The following C9orf43 variants were observed in gnomAD, a reference collection of about 807,000 sequenced individuals.
C9orf43 encodes the protein chromosome 9 open reading frame 43, also known as uncharacterized protein C9orf43.
A neutral mutation model predicts 59.1 loss-of-function variants in C9orf43; 45 were observed. The ratio of observed to expected loss-of-function variants is 0.76; its 90% CI spans 0.60 to 0.98. The LOEUF is 0.98. Among genes scored for constraint, C9orf43 ranks in the 50% least tolerant of loss-of-function variants. The pLI is 0.00. For missense variants in C9orf43, 533 were observed against 554.9 expected (o/e 0.96, Z 0.40); for synonymous variants, 203 against 196.8 (o/e 1.03, Z -0.26).
chr9:113,423,539 CT>C, intron 7 of C9orf43, 41 bp downstream of exon 7: 1 of 1,583,604 alleles, frequency 6.3e-7, no homozygotes, highest in Non-Finnish European at 8.7e-7. Context: ...AGAGCACCTG[CT>C]TTTTACTGAA....
intron 11 of C9orf43, 40 bp from the exon 12 acceptor site, chr9:113,428,107 G>A: frequency 2.5e-6 from 4 of 1,603,272 alleles, no homozygotes; most frequent in Non-Finnish European, 3.4e-6. Flanking sequence ...GGTATGATAT[G>A]GTAATAAGAG....
chr9:113,425,391 A>C lies in C9orf43; in HGVS notation c.913A>C (p.Lys305Gln), dbSNP rs769507026. Residue 305 changes from lysine (K) to glutamine (Q), a missense_variant, in exon 10 of 14, where the codon AAG (lysine) becomes CAG (glutamine). By Grantham distance (53) the Lys-to-Gln change is moderately conservative. Coordinates refer to ENST00000374165, the MANE Select transcript of C9orf43 (RefSeq NM_001278629.2). ...GCAGCAGCAGCAGCAGCAGCAACAGAAGAAGGTGAAAACACCTATTAAGAA... is the reference window on the plus strand; with the variant it reads ...GCAGCAGCAGCAGCAGCAGCAACAGCAGAAGGTGAAAACACCTATTAAGAA... ...QRQQQQQQQQKKVKTPIKKQE... is the reference protein window; with the variant it reads ...QRQQQQQQQQQKVKTPIKKQE... The C allele has an allele frequency of 6.2e-7, 1 of 1,612,156 alleles. No individual in the cohort carries two copies. The highest frequency in any genetic ancestry group is 8.5e-7 in the Non-Finnish European group (1 of 1,178,790).
Position 113,428,226 on chromosome 9 carries a change from G to A in C9orf43, c.1107+3G>A. On this transcript the variant is annotated splice_donor_region_variant and intron_variant, in intron 12 of 13. Coordinates refer to ENST00000374165, the MANE Select transcript of C9orf43 (RefSeq NM_001278629.2). ...AAAAAGGAACCACTTCGAAACAGGT[G>A]AGAGTGTACCAAGGCCTCTGCTAGG... 1.2e-6 allele frequency: 2 copies of A among 1,614,028 alleles called. No homozygotes were observed. Among genetic ancestry groups the A allele is most frequent in the Non-Finnish European group, 1.7e-6 (2 of 1,179,862 alleles).
intron 3 of C9orf43, 95 bp from the exon 4 acceptor site, chr9:113,419,013 C>T (rs982857602): frequency 9.9e-7 from 1 of 1,005,088 alleles, no homozygotes; most frequent in South Asian, 1.5e-5. Context: ...CCAAGGTTTT[C>T]TGTAGATAAG....
rs767730068 is a variant in C9orf43 at position 113,424,985 on chromosome 9, G to T, written c.808-34G>T. 5.7e-6 allele frequency: 9 copies of T among 1,590,462 alleles called. No individual in the cohort carries two copies. In the Admixed American group the frequency reaches 6.7e-5, roughly 12 times the overall value. Reference sequence around the variant, plus strand: ...ATTTGGAGAAAGGGAAAGACCTGCAGTAGAGCTTTTCTTTTTCTTTTTTCT... The same window carrying T: ...ATTTGGAGAAAGGGAAAGACCTGCATTAGAGCTTTTCTTTTTCTTTTTTCT... On this transcript the variant is annotated intron_variant, in intron 8 of 13. Coordinates refer to ENST00000374165, the MANE Select transcript of C9orf43 (RefSeq NM_001278629.2).
intron 3 of C9orf43, among the ~76,000 whole-genome samples, chr9:113,416,354 C>G (rs532037997): frequency 2.0e-5 from 3 of 152,256 alleles, no homozygotes; most frequent in Non-Finnish European, 4.4e-5. Flanking sequence ...TCTTTACTGT[C>G]TGGCTCCTCT....
intron 11 of C9orf43, among the ~76,000 whole-genome samples, chr9:113,427,538 T>C (rs1323142312): frequency 6.6e-6 from 1 of 152,216 alleles, no homozygotes; most frequent in Non-Finnish European, 1.5e-5. Context: ...GAATTTCTGA[T>C]GGTAGGAACT....
intron 13 of C9orf43, 58 bp downstream of exon 13, chr9:113,429,021 C>T: frequency 6.5e-7 from 1 of 1,540,862 alleles, no homozygotes; most frequent in East Asian, 2.2e-5. Flanking sequence ...AGAGTTGAAC[C>T]TGTGTTGACC....
At chr9:113,425,822 T>G in intron 11 of C9orf43, 92 bp downstream of exon 11, 1 of 1,018,126 alleles carries the variant, frequency 9.8e-7, no homozygotes, top group East Asian at 2.4e-5. Flanking sequence ...CTTGTCATTT[T>G]GAGACCTGCC....
intron 1 of C9orf43, among the ~76,000 whole-genome samples, chr9:113,412,189 A>AC (rs1328984233): frequency 6.6e-6 from 1 of 152,246 alleles, no homozygotes; most frequent in Non-Finnish European, 1.5e-5. Flanking sequence ...CCTGGCTGAA[A>AC]CCATCAGGGC....
intron 7 of C9orf43, 36 bp from the exon 8 acceptor site, chr9:113,424,130 G>C: frequency 6.4e-7 from 1 of 1,551,324 alleles, no homozygotes; most frequent in Middle Eastern, 1.7e-4. Context: ...GGGAAGAGCT[G>C]TTGCTGACTG....
In C9orf43 at chr9:113,411,010, A is replaced by G; in HGVS notation, c.-50+9A>G. The G allele has an allele frequency of 1.0e-6, 1 of 985,374 alleles. No homozygotes were observed. Among genetic ancestry groups the G allele is most frequent in the Non-Finnish European group, 1.2e-6 (1 of 829,962 alleles). 61.0% of individuals were successfully genotyped at this position (985,374 alleles called of 1,614,324 possible). On this transcript the variant is annotated intron_variant, in intron 1 of 13. Transcript: ENST00000374165. ...ACGCTTTTGTAATAATGGTACTAAGACTGAGTGTTATTTAGATTTTATTGT... is the reference window on the plus strand; with the variant it reads ...ACGCTTTTGTAATAATGGTACTAAGGCTGAGTGTTATTTAGATTTTATTGT...
chr9:113,428,850 A>G, intron 12 of C9orf43, 50 bp from the exon 13 acceptor site: 1 of 1,492,812 alleles, frequency 6.7e-7, no homozygotes, highest in South Asian at 1.1e-5. Context: ...AAATCCTTTT[A>G]GTTTCCTAAA....
intron 5 of C9orf43, among the ~76,000 whole-genome samples, chr9:113,421,609 A>G (rs1001134182): frequency 2.0e-5 from 3 of 152,140 alleles, no homozygotes; most frequent in African/African-American, 7.2e-5. Context: ...AATAGCATAT[A>G]GGACTTGTGT....
rs35769288 is a variant in C9orf43 at position 113,410,818 on chromosome 9, A to G, written c.-233A>G. ...GCGCCGCAAGGGGCCACGTTTTACC[A>G]CTTGATTTAGCAACCCTAAGCGGTT... is the stretch of plus-strand genomic sequence containing the variant. On this transcript the variant is annotated 5_prime_UTR_variant, in exon 1 of 14. Transcript: ENST00000374165. The G allele has an allele frequency of 4.5e-4, 207 of 456,518 alleles. 1 individual carries two copies. Among genetic ancestry groups the G allele is most frequent in the African/African-American group, 4.0e-3 (190 of 47,148 alleles). 28.3% of individuals were successfully genotyped at this position (456,518 alleles called of 1,614,324 possible). A position where few individuals can be genotyped will look rare whatever the true frequency, so the allele number is the denominator to read the frequency against.
At chr9:113,423,248 G>C (rs1828653137) in intron 6 of C9orf43, 78 bp from the exon 7 acceptor site, 1 of 1,433,578 alleles carries the variant, frequency 7.0e-7, no homozygotes, top group East Asian at 2.4e-5. Context: ...GGGTAGTGTT[G>C]AGAGGCTAGA....
rs1354104535 is a variant in C9orf43 at position 113,421,201 on chromosome 9, G to A, written c.444G>A (p.Val148=). 1 of 1,598,984 alleles carries A rather than the reference G, an allele frequency of 6.3e-7. No individual in the cohort carries two copies. The highest frequency in any genetic ancestry group is 8.6e-7 in the Non-Finnish European group (1 of 1,166,690). Residue 148 remains valine (V), a splice_region_variant and synonymous_variant, in exon 5 of 14, where the codon GTG becomes GTA. Transcript: ENST00000374165. The part of the protein sequence containing the change: ...LWIPEETEIH[V]SQHGKKKRKN... The stretch of plus-strand genomic sequence containing the variant: ...TCCCAGAAGAAACAGAGATACATGT[G>A]AGGTGAGTATCATATCTGGAACTCA...
intron 9 of C9orf43, 117 bp downstream of exon 9, chr9:113,425,193 T>C: frequency 1.4e-6 from 2 of 1,439,362 alleles, no homozygotes; most frequent in Non-Finnish European, 1.9e-6. Context: ...CAGGGTCACA[T>C]GTAGAACTCA....
At chr9:113,425,301 G>A in intron 9 of C9orf43, 43 bp from the exon 10 acceptor site, 1 of 1,611,180 alleles carries the variant, frequency 6.2e-7, no homozygotes, top group South Asian at 1.1e-5. Flanking sequence ...GTGGGAGAGA[G>A]GGGGCTGTTA....
Sources: allele counts gnomAD v4.1 joint callset (sites outside exome capture counted in the v4.1 genomes callset), GRCh38; gene constraint gnomAD v4.1.1; transcripts MANE v1.5; gene names NCBI Gene and HGNC (gene_info 2026-07-23, HGNC 2026-07-21).